The following ACSL6 variants were observed in gnomAD, a reference collection of about 807,000 sequenced individuals.
The protein encoded by ACSL6 is long-chain-fatty-acid--CoA ligase 6.
Under a neutral mutation model 98.2 loss-of-function variants are expected in ACSL6, and 47 were observed. That is an observed-to-expected ratio of 0.48 (90% confidence interval 0.38 to 0.61). The LOEUF is 0.61. Ranked by LOEUF, ACSL6 falls within the 20% of genes least tolerant of loss-of-function variation. The pLI is 0.00. For missense variants in ACSL6, 761 were observed against 913.4 expected (o/e 0.83, Z 2.15); for synonymous variants, 362 against 336.9 (o/e 1.07, Z -0.82).
intron 5 of ACSL6, 58 bp downstream of exon 5, chr5:131,989,349 A>T: frequency 6.6e-7 from 1 of 1,516,484 alleles, no homozygotes; most frequent in Non-Finnish European, 9.1e-7. Context: ...GGACTATTCC[A>T]TGGCAGCCAA....
upstream of ACSL6, chr5:132,012,155 GT>G (rs1432752696): frequency 4.1e-6 from 2 of 490,224 alleles, no homozygotes; most frequent in Non-Finnish European, 6.9e-6. Flanking sequence ...TAGGACCCGA[GT>G]TTGCAGACAT....
chr5:132,007,039 C>A (rs1755446982), intron 1 of ACSL6: 1 of 152,096 alleles, frequency 6.6e-6, no homozygotes, highest in African/African-American at 2.4e-5. Flanking sequence ...TCAGGGAATT[C>A]TTTAGTTTAT....
At chr5:132,011,835 C>T, upstream of ACSL6, 1 of 1,498,054 alleles carries the variant, frequency 6.7e-7, no homozygotes, top group Non-Finnish European at 8.9e-7. This position sits in a 1 kb window ranked among gnomAD's most constrained non-coding sequence, Gnocchi z 5.4. Flanking sequence ...GTGTCGGAAC[C>T]GCCAAGCTCC....
rs1280218062 is a variant in ACSL6, at chr5:132,011,230, G to C, written c.49+275C>G. On this transcript the variant is annotated intron_variant, in intron 1 of 20. Coordinates refer to ENST00000651883, the MANE Select transcript of ACSL6 (RefSeq NM_001009185.3). This position sits in a 1 kb window ranked among gnomAD's most constrained non-coding sequence, Gnocchi z 5.4. ...ATGGTCCTTGCCATCAGGGAAGGGGGACGCAAGAACTCGGCGGGGGTTTGT... is the reference window on the plus strand; with the variant it reads ...ATGGTCCTTGCCATCAGGGAAGGGGCACGCAAGAACTCGGCGGGGGTTTGT... Among the ~76,000 whole-genome samples the C allele has an allele frequency of 6.6e-6, 1 of 152,182 alleles. No individual in the cohort carries two copies. The highest frequency in any genetic ancestry group is 1.5e-5 in the Non-Finnish European group (1 of 68,026).
intron 9 of ACSL6, chr5:131,984,859 GCCCTTTCACACA>G (rs1754086663): frequency 5.7e-6 from 1 of 174,330 alleles, no homozygotes; most frequent in Admixed American, 5.5e-5. Flanking sequence ...CATCTGCATT[GCCCTTTCACACA>G]CTGTCCCATC....
Position 131,962,765 on chromosome 5 carries a change from C to T in ACSL6, c.1714-87G>A, listed in dbSNP as rs186742505. On this transcript the variant is annotated intron_variant, in intron 17 of 20. Coordinates refer to ENST00000651883, the MANE Select transcript of ACSL6 (RefSeq NM_001009185.3). ...CTCAGTGCCGTAACTCCCTGCCCTA[C>T]CCCACCCTGCAGACCCCACCCCGAT... The T allele has an allele frequency of 2.5e-4, 366 of 1,484,648 alleles. 1 individual carries two copies. In the African/African-American group the frequency reaches 4.2e-3, roughly 17 times the overall value. 92.0% of individuals were successfully genotyped at this position (1,484,648 alleles called of 1,614,324 possible).
intron 1 of ACSL6, among the ~76,000 whole-genome samples, chr5:132,005,600 T>C (rs905189331): frequency 1.1e-4 from 17 of 152,226 alleles, no homozygotes; most frequent in African/African-American, 3.6e-4. Flanking sequence ...CCCAGTGACA[T>C]TTCTGCCTGT....
chr5:131,990,923 C>A lies in ACSL6; in HGVS notation c.315G>T (p.Gln105His), dbSNP rs758761292. 12 of 1,613,908 alleles carry A rather than the reference C, an allele frequency of 7.4e-6. No homozygotes were observed. Among genetic ancestry groups the A allele is most frequent in the East Asian group, 2.2e-5 (1 of 44,874 alleles). Residue 105 changes from glutamine (Q) to histidine (H), a missense_variant, in exon 3 of 21, where the codon CAG becomes CAT. Coordinates refer to ENST00000651883, the MANE Select transcript of ACSL6 (RefSeq NM_001009185.3). ...ARRSVIGSGPQLLTHYYDDAR... is the reference protein window; with the variant it reads ...ARRSVIGSGPHLLTHYYDDAR... ...CATCATCATAGTAGTGGGTAAGTAG[C>A]TGAGGGCCAGACCCAATCACAGATC...
intron 20 of ACSL6, among the ~76,000 whole-genome samples, chr5:131,955,288 T>G (rs1752341307): frequency 1.3e-5 from 2 of 152,350 alleles, no homozygotes; most frequent in South Asian, 4.1e-4. Flanking sequence ...AAATCAGATA[T>G]GGTTATTGTA....
intron 9 of ACSL6, among the ~76,000 whole-genome samples, chr5:131,980,507 A>C (rs680994): frequency 0.026 from 3,886 of 152,222 alleles, 73 homozygotes; most frequent in Non-Finnish European, 0.039. Flanking sequence ...CAGAAAGCCC[A>C]CCTCTGAGTA....
In ACSL6 at chr5:131,954,045, A is replaced by T; in HGVS notation, c.*189T>A. On this transcript the variant is annotated 3_prime_UTR_variant, in exon 21 of 21. Coordinates refer to ENST00000651883, the MANE Select transcript of ACSL6 (RefSeq NM_001009185.3). ...CAGTCCACCACAATATCATTTTTATAATAAAAATAAAATATACTCATTGAT... is the reference window on the plus strand; with the variant it reads ...CAGTCCACCACAATATCATTTTTATTATAAAAATAAAATATACTCATTGAT... The T allele has an allele frequency of 2.4e-6, 1 of 422,224 alleles. No homozygotes were observed. The highest frequency in any genetic ancestry group is 7.8e-5 in the South Asian group (1 of 12,780). 26.2% of individuals were successfully genotyped at this position (422,224 alleles called of 1,614,324 possible). A position where few individuals can be genotyped will look rare whatever the true frequency, so the allele number is the denominator to read the frequency against.
At chr5:131,974,101 A>C (rs532117690) in intron 11 of ACSL6, 1 of 152,738 alleles carries the variant, frequency 6.5e-6, no homozygotes, top group East Asian at 1.9e-4. Flanking sequence ...AAAGCTGGAA[A>C]GCATGCTCTC....
intron 20 of ACSL6, among the ~76,000 whole-genome samples, chr5:131,955,194 T>C (rs1390338616): frequency 1.3e-5 from 2 of 152,218 alleles, no homozygotes; most frequent in Non-Finnish European, 2.9e-5. Flanking sequence ...GCATCATCTT[T>C]ATGGTATCAT....
At chr5:132,012,028 G>A (rs1755764661), upstream of ACSL6, 2 of 1,390,922 alleles carry the variant, frequency 1.4e-6, no homozygotes, top group East Asian at 5.8e-5. Flanking sequence ...CTGCCCCCGC[G>A]CGACTCGCAG....
intron 16 of ACSL6, 60 bp downstream of exon 16, chr5:131,967,880 T>A: frequency 1.4e-6 from 2 of 1,448,828 alleles, no homozygotes; most frequent in East Asian, 4.5e-5. Context: ...TCCCTACTGT[T>A]CTTGTTTTTA....
chr5:131,965,393 T>C (rs534901626), intron 17 of ACSL6, among the ~76,000 whole-genome samples: 2 of 152,352 alleles, frequency 1.3e-5, no homozygotes, highest in Admixed American at 6.5e-5. Flanking sequence ...AAAATAACTT[T>C]ATTTTTCTTT....
chr5:131,971,451 T>A, intron 14 of ACSL6, 99 bp downstream of exon 14: 1 of 1,000,096 alleles, frequency 1.0e-6, no homozygotes, highest in Non-Finnish European at 1.3e-6. Flanking sequence ...ACAAAAATCT[T>A]GTCCCCCGGT....
At chr5:131,962,215 G>C (rs901231229) in intron 18 of ACSL6, among the ~76,000 whole-genome samples, 2 of 151,852 alleles carry the variant, frequency 1.3e-5, no homozygotes, top group African/African-American at 4.8e-5. Context: ...AATAATAATA[G>C]TAATAATAAT....
chr5:131,992,010 G>A (rs1754550543), intron 2 of ACSL6, among the ~76,000 whole-genome samples: 1 of 152,172 alleles, frequency 6.6e-6, no homozygotes, highest in Admixed American at 6.5e-5. Context: ...ATGGTACAAG[G>A]AGAGACTGTA....
Sources: allele counts gnomAD v4.1 joint callset (sites outside exome capture counted in the v4.1 genomes callset), GRCh38; gene constraint gnomAD v4.1.1; non-coding constraint Gnocchi (gnomAD v3.1); transcripts MANE v1.5; gene names NCBI Gene and HGNC (gene_info 2026-07-23, HGNC 2026-07-21).